The following CLCN6 variants were observed in gnomAD, a reference collection of about 807,000 sequenced individuals.
CLCN6 encodes the protein H(+)/Cl(-) exchange transporter 6.
CLCN6 carries 70 observed loss-of-function variants against 109.8 expected under a neutral mutation model. That is an observed-to-expected ratio of 0.64 (90% CI 0.53 to 0.78). The LOEUF is 0.78. Among genes scored for constraint, CLCN6 ranks in the 30% least tolerant of loss-of-function variants. The pLI, the probability that CLCN6 is intolerant of heterozygous loss-of-function variation, is 0.00. For synonymous variants in CLCN6, 444 were observed against 447.8 expected, an observed-to-expected ratio of 0.99 and a Z score of 0.11; for missense variants, 984 against 1,142.3, an observed-to-expected ratio of 0.86 and a Z score of 2.00.
chr1:11,823,653 A>C, intron 6 of CLCN6, 54 bp from the exon 7 acceptor site: 1 of 1,613,058 alleles, frequency 6.2e-7, no homozygotes. Context: ...GTTGAGGGTA[A>C]GCCAGAGAAC....
intron 5 of CLCN6, among the ~76,000 whole-genome samples, chr1:11,821,032 C>T (rs1427368415): frequency 6.6e-6 from 1 of 150,402 alleles, no homozygotes; most frequent in South Asian, 2.1e-4. Context: ...GCCGAGATCG[C>T]GCCATTGCAC....
At chr1:11,807,025 T>C in intron 1 of CLCN6, 106 bp from the exon 2 acceptor site, 1 of 998,104 alleles carries the variant, frequency 1.0e-6, no homozygotes, top group South Asian at 1.4e-5. Flanking sequence ...TATTTGATAA[T>C]GGCTCCAGAT....
At chr1:11,836,581 C>A (rs1644952784) in intron 18 of CLCN6, among the ~76,000 whole-genome samples, 1 of 152,166 alleles carries the variant, frequency 6.6e-6, no homozygotes, top group Non-Finnish European at 1.5e-5. Flanking sequence ...TAGCAGACAT[C>A]CCTTGGGTAC....
At chr1:11,830,804 A>G (rs1469496792) in intron 13 of CLCN6, among the ~76,000 whole-genome samples, 1 of 138,476 alleles carries the variant, frequency 7.2e-6, no homozygotes, top group Non-Finnish European at 1.5e-5. Context: ...ACACACACAC[A>G]CACACACACA....
chr1:11,823,040 G>C (rs1480826274), intron 6 of CLCN6, among the ~76,000 whole-genome samples: 2 of 152,194 alleles, frequency 1.3e-5, no homozygotes, highest in African/African-American at 4.8e-5. Flanking sequence ...AGGGGGAAAG[G>C]GCTGAAAACA....
chr1:11,838,973 A>G (rs779755024), intron 22 of CLCN6: 33 of 699,830 alleles, frequency 4.7e-5, no homozygotes. Context: ...CCACCTGCGT[A>G]GGGATTTGCG....
intron 22 of CLCN6, 72 bp from the exon 23 acceptor site, chr1:11,840,071 C>T (rs1048779626): frequency 3.9e-5 from 48 of 1,236,480 alleles, no homozygotes; most frequent in South Asian, 1.4e-4. Context: ...CTAACAGGGC[C>T]GGCTCCTGTC....
Position 11,822,784 on chromosome 1 carries a change from C to T in CLCN6, c.436C>T (p.Leu146Phe), listed in dbSNP as rs1644762537. The T allele has an allele frequency of 1.2e-6, 2 of 1,613,264 alleles. No homozygotes were observed. Among genetic ancestry groups the T allele is most frequent in the Non-Finnish European group, 1.7e-6 (2 of 1,179,324 alleles). Residue 146 changes from leucine (L) to phenylalanine (F), a missense_variant, in exon 6 of 23, where the codon CTC becomes TTC. Coordinates refer to ENST00000346436, the MANE Select transcript of CLCN6 (RefSeq NM_001286.5). ...FNLTFVFLASLLVLIEPVAAG... is the reference protein window; with the variant it reads ...FNLTFVFLASFLVLIEPVAAG... ...CCTCACCTTTGTCTTCCTGGCAAGC[C>T]TCCTTGTTCTCATTGAGGTGAGGTG... is the stretch of plus-strand genomic sequence containing the variant.
At chr1:11,823,261 A>T (rs1285171548) in intron 6 of CLCN6, among the ~76,000 whole-genome samples, 3 of 152,192 alleles carry the variant, frequency 2.0e-5, no homozygotes, top group African/African-American at 7.2e-5. Context: ...GTTTGAGACC[A>T]TTCTGACCAG....
intron 5 of CLCN6, 91 bp from the exon 6 acceptor site, chr1:11,822,604 T>C: frequency 1.3e-6 from 1 of 744,546 alleles, no homozygotes; most frequent in Non-Finnish European, 2.3e-6. Flanking sequence ...GCAGCCAGCA[T>C]GATCCAAAGG....
At chr1:11,807,640 A>G (rs1644536459) in intron 2 of CLCN6, among the ~76,000 whole-genome samples, 2 of 152,344 alleles carry the variant, frequency 1.3e-5, no homozygotes, top group African/African-American at 2.4e-5. Context: ...TCCACCTTTC[A>G]TGTATGGGAT....
intron 22 of CLCN6, chr1:11,838,921 A>G (rs982457449): frequency 4.2e-6 from 3 of 718,840 alleles, no homozygotes; most frequent in Non-Finnish European, 5.2e-6. Context: ...TTCCTCCTGA[A>G]ATGTTGCTCT....
chr1:11,838,966 C>T (rs1375654615), intron 22 of CLCN6: 1 of 703,978 alleles, frequency 1.4e-6, no homozygotes, highest in Non-Finnish European at 2.7e-6. Flanking sequence ...TGGTTCTCCA[C>T]CTGCGTAGGG....
intron 2 of CLCN6, among the ~76,000 whole-genome samples, chr1:11,812,092 T>A (rs1405783349): frequency 1.3e-4 from 19 of 151,580 alleles, no homozygotes; most frequent in Admixed American, 1.2e-3. Context: ...CCATGCTGGG[T>A]GACAGAGAAA....
At position 11,834,164 on chromosome 1, in the gene CLCN6, A is replaced by G. The variant is rs999418848; in HGVS notation, c.1527-72A>G. On this transcript the variant is annotated intron_variant, in intron 15 of 22. Coordinates refer to ENST00000346436, the MANE Select transcript of CLCN6 (RefSeq NM_001286.5). This position sits in a 1 kb window ranked among gnomAD's most constrained non-coding sequence, Gnocchi z 4.5. ...CACATATGTGCATAGGCACAAGAGT[A>G]TGAGCTGTAGGTCCTCCCCACAGCC... 11 of 1,594,826 alleles carry G rather than the reference A, an allele frequency of 6.9e-6. No individual in the cohort carries two copies. The highest frequency in any genetic ancestry group is 3.4e-5 in the South Asian group (3 of 89,268).
intron 11 of CLCN6, 110 bp downstream of exon 11, chr1:11,828,329 A>T: frequency 7.1e-7 from 1 of 1,408,678 alleles, no homozygotes; most frequent in South Asian, 1.2e-5. Flanking sequence ...TTCCAGGGAC[A>T]CATCTCACCC....
rs769559008 is a variant in CLCN6, at chr1:11,819,568, G to A, written c.346+14G>A. 5.0e-6 allele frequency: 8 copies of A among 1,612,802 alleles called. No individual in the cohort carries two copies. The highest frequency in any genetic ancestry group is 5.9e-6 in the Non-Finnish European group (7 of 1,179,062). On this transcript the variant is annotated intron_variant, in intron 5 of 22. Transcript: ENST00000346436. Reference sequence around the variant, plus strand: ...TGGTACAGACATGTATCCTTTTCACGGTTCCTGGTGTTCGTGGACTTCAGT... The same window carrying A: ...TGGTACAGACATGTATCCTTTTCACAGTTCCTGGTGTTCGTGGACTTCAGT...
chr1:11,815,828 A>C lies in CLCN6; in HGVS notation c.148-18A>C. The C allele has an allele frequency of 6.2e-7, 1 of 1,610,598 alleles. No individual in the cohort carries two copies. Among genetic ancestry groups the C allele is most frequent in the Non-Finnish European group, 8.5e-7 (1 of 1,177,344 alleles). The stretch of plus-strand genomic sequence containing the variant: ...CTCACCTGACATGACCTTTTGACTC[A>C]ACTTTGCCTCTTTTCAGAGTTTGGA... On this transcript the variant is annotated intron_variant, in intron 2 of 22. Coordinates refer to ENST00000346436, the MANE Select transcript of CLCN6 (RefSeq NM_001286.5).
chr1:11,806,902 G>A (rs1227832993), intron 1 of CLCN6: 1 of 550,244 alleles, frequency 1.8e-6, no homozygotes, highest in Non-Finnish European at 3.2e-6. Flanking sequence ...GTCCTGAAGA[G>A]GAGGGTGGTT....
Sources: allele counts gnomAD v4.1 joint callset (sites outside exome capture counted in the v4.1 genomes callset), GRCh38; gene constraint gnomAD v4.1.1; non-coding constraint Gnocchi (gnomAD v3.1); transcripts MANE v1.5; gene names NCBI Gene and HGNC (gene_info 2026-07-23, HGNC 2026-07-21).